Variants in CD109 observed in about 807,000 individuals in gnomAD.
CD109 encodes the protein CD109 molecule.
A neutral mutation model predicts 165.8 loss-of-function variants in CD109; 149 were observed. The ratio of observed to expected loss-of-function variants is 0.90; its 90% confidence interval spans 0.79 to 1.03. The LOEUF (loss-of-function observed/expected upper bound fraction) is 1.03, where lower values mean the gene tolerates loss of function less well. CD109 is among the 50% of genes least tolerant of loss of function. CD109 has a pLI of 0.00. For synonymous variants in CD109, 585 were observed against 592.1 expected, an observed-to-expected ratio of 0.99 and a Z score of 0.18; for missense variants, 1,712 against 1,677.8, an observed-to-expected ratio of 1.02 and a Z score of -0.36.
At chr6:73,795,701 A>G (rs7751758) in intron 23 of CD109, among the ~76,000 whole-genome samples, 82,110 of 151,966 alleles carry the variant, frequency 0.54, 22,672 homozygotes, top group African/African-American at 0.65. Context: ...TCCCCTTGGG[A>G]GGAAGTAGAT....
intron 22 of CD109, among the ~76,000 whole-genome samples, chr6:73,790,124 T>G (rs1290672375): frequency 6.7e-6 from 1 of 148,594 alleles, no homozygotes; most frequent in Non-Finnish European, 1.5e-5. Flanking sequence ...AGATGGAGTC[T>G]TTCTCTGTAG....
chr6:73,747,110 C>T (rs1422359814), intron 5 of CD109, among the ~76,000 whole-genome samples: 3 of 152,166 alleles, frequency 2.0e-5, no homozygotes, highest in Non-Finnish European at 4.4e-5. Context: ...ACCAATATCC[C>T]GATTTCTGCC....
In CD109 at chr6:73,818,462, A is replaced by T. The variant is rs763228648; in HGVS notation, c.3986A>T (p.Glu1329Val). ...TTAAGTGGCTTTATGGTGCCTTCAGAAGCAATTTCTCTGAGCGAGACAGTG... is the reference window on the plus strand; with the variant it reads ...TTAAGTGGCTTTATGGTGCCTTCAGTAGCAATTTCTCTGAGCGAGACAGTG... ...NLLSGFMVPS[E>V]AISLSETVKK... Residue 1329 changes from glutamate (E) to valine (V), a missense_variant, in exon 31 of 33, where the codon GAA (glutamate) becomes GTA (valine). Glu to Val is a moderately radical substitution (Grantham distance 121). Transcript: ENST00000287097. 48 of 1,613,690 alleles carry T rather than the reference A, an allele frequency of 3.0e-5. No individual in the cohort carries two copies. Among genetic ancestry groups the T allele is most frequent in the Non-Finnish European group, 3.6e-5 (42 of 1,179,936 alleles).
rs768994086 is a variant in CD109, at chr6:73,765,925, A to G, written c.1108-5A>G. ...GTTTTTAAGATGTTTTGTTTTGACCATTAGGTGAAGGTAACTCGTGCTGAT... is the reference window on the plus strand; with the variant it reads ...GTTTTTAAGATGTTTTGTTTTGACCGTTAGGTGAAGGTAACTCGTGCTGAT... On this transcript the variant is annotated splice_polypyrimidine_tract_variant and splice_region_variant and intron_variant, in intron 10 of 32. Coordinates refer to ENST00000287097, the MANE Select transcript of CD109 (RefSeq NM_133493.5). The G allele has an allele frequency of 1.4e-5, 22 of 1,600,574 alleles. No individual in the cohort carries two copies. The highest frequency in any genetic ancestry group is 1.9e-5 in the Non-Finnish European group (22 of 1,168,816).
In CD109 at chr6:73,792,597, T is replaced by C. The variant is rs771646392; in HGVS notation, c.2702-29T>C. 2.5e-6 allele frequency: 4 copies of C among 1,607,920 alleles called. No homozygotes were observed. In the East Asian group the frequency reaches 8.9e-5, roughly 36 times the overall value. On this transcript the variant is annotated intron_variant, in intron 22 of 32. Transcript: ENST00000287097. The stretch of plus-strand genomic sequence containing the variant: ...CAGGTCGTTGTTACTGAGTATTTAC[T>C]GAATGAACTGCATGTCTTGTGCTTC...
intron 7 of CD109, among the ~76,000 whole-genome samples, chr6:73,760,255 A>G (rs1773564749): frequency 1.3e-5 from 2 of 151,658 alleles, no homozygotes; most frequent in South Asian, 2.1e-4. Context: ...AAAATACAAA[A>G]AATTAGCCGG....
chr6:73,823,427 C>A, intron 32 of CD109, 31 bp from the exon 33 acceptor site: 1 of 1,550,490 alleles, frequency 6.4e-7, no homozygotes, highest in African/African-American at 1.4e-5. Context: ...ACAAGGGAGC[C>A]GTGTGAACTG....
chr6:73,790,220 A>G (rs1774872400), intron 22 of CD109, among the ~76,000 whole-genome samples: 1 of 148,378 alleles, frequency 6.7e-6, no homozygotes, highest in African/African-American at 2.5e-5. Context: ...TTGGCCTCCT[A>G]TGAAGATGGG....
intron 7 of CD109, among the ~76,000 whole-genome samples, chr6:73,760,530 A>G (rs966375922): frequency 5.9e-5 from 9 of 151,776 alleles, no homozygotes; most frequent in African/African-American, 2.2e-4. Context: ...AAAGAAAAGT[A>G]GCAGAGAATA....
chr6:73,734,546 T>C (rs1772477856), intron 4 of CD109, among the ~76,000 whole-genome samples: 1 of 152,254 alleles, frequency 6.6e-6, no homozygotes, highest in Admixed American at 6.5e-5. Context: ...TGCGTCATGC[T>C]GTGGCAGGCA....
At chr6:73,810,291 A>T in intron 27 of CD109, 117 bp downstream of exon 27, 1 of 309,566 alleles carries the variant, frequency 3.2e-6, no homozygotes, top group Non-Finnish European at 5.1e-6. Context: ...TTATATATAA[A>T]AAATATTTTT....
At position 73,815,065 on chromosome 6, in the gene CD109, G is replaced by A. The variant is rs903449527; in HGVS notation, c.3853G>A (p.Val1285Ile). The change falls in exon 30 of 33, where the codon GTT (valine) becomes ATT (isoleucine). Residue 1285 changes from valine (V) to isoleucine (I), a missense_variant. Coordinates refer to ENST00000287097, the MANE Select transcript of CD109 (RefSeq NM_133493.5). Reference protein sequence around the residue: ...IQNQEAFDLDVAVKENKDDLN... With the variant: ...IQNQEAFDLDIAVKENKDDLN... ...AAATCAAGAAGCCTTTGATTTAGAT[G>A]TTGCTGTAAAAGAAAATAAAGATGA... The A allele has an allele frequency of 1.3e-6, 2 of 1,590,010 alleles. No homozygotes were observed. Among genetic ancestry groups the A allele is most frequent in the East Asian group, 4.6e-5 (2 of 43,206 alleles).
intron 9 of CD109, 96 bp from the exon 10 acceptor site, chr6:73,763,480 C>A: frequency 4.7e-6 from 3 of 634,868 alleles, no homozygotes; most frequent in Non-Finnish European, 8.3e-6. Flanking sequence ...ATATTTTTAA[C>A]CCTTTTTGCA....
the CD109 span, among the ~76,000 whole-genome samples, chr6:73,690,151 T>A: frequency 6.6e-6 from 1 of 152,214 alleles, no homozygotes; most frequent in Non-Finnish European, 1.5e-5. Flanking sequence ...ATCTATTCGA[T>A]TAAGATCCCT....
chr6:73,792,882 C>A, intron 23 of CD109, 80 bp downstream of exon 23: 1 of 1,058,082 alleles, frequency 9.5e-7, no homozygotes, highest in Non-Finnish European at 1.3e-6. Context: ...GACCATATTT[C>A]AAAATAGATG....
rs371111480 is a variant in CD109 at position 73,802,919 on chromosome 6, C to T, written c.2879-301C>T. The stretch of plus-strand genomic sequence containing the variant: ...TTCACCATGTTGGTCAAGCTGGTCT[C>T]GAAGTCCTGACTTCAGGCAATCCAC... On this transcript the variant is annotated intron_variant, in intron 23 of 32. Coordinates refer to ENST00000287097, the MANE Select transcript of CD109 (RefSeq NM_133493.5). Among the ~76,000 whole-genome samples the T allele has an allele frequency of 7.5e-4, 114 of 152,136 alleles. 1 individual carries two copies. The highest frequency in any genetic ancestry group is 2.6e-3 in the African/African-American group (107 of 41,512).
intron 11 of CD109, among the ~76,000 whole-genome samples, chr6:73,766,509 A>ATATATG (rs1245907063): frequency 3.7e-5 from 5 of 134,388 alleles, no homozygotes; most frequent in African/African-American, 1.5e-4. Context: ...ATACACACAT[A>ATATATG]TATATGTATA....
rs1776287668 is a variant in CD109 at position 73,826,717 on chromosome 6, AT to A, written c.*3085del. On this transcript the variant is annotated 3_prime_UTR_variant, in exon 33 of 33. Coordinates refer to ENST00000287097, the MANE Select transcript of CD109 (RefSeq NM_133493.5). ...TTATAATCTGAGGAGTGTTTTGCTT[AT>A]GTAGAATCCAGATATATTTCTGTTA... 1 of 152,158 alleles carries A rather than the reference AT, an allele frequency of 6.6e-6. No individual in the cohort carries two copies. The highest frequency in any genetic ancestry group is 1.5e-5 in the Non-Finnish European group (1 of 68,024). The allele number at this position is 152,158 out of a possible 1,614,324, so 9.4% of individuals were successfully genotyped here.
intron 2 of CD109, among the ~76,000 whole-genome samples, chr6:73,718,931 G>C (rs1438133936): frequency 6.6e-6 from 1 of 151,996 alleles, no homozygotes; most frequent in Non-Finnish European, 1.5e-5. Flanking sequence ...GACCAGTTCT[G>C]TCCAATACAA....
Sources: allele counts gnomAD v4.1 joint callset (sites outside exome capture counted in the v4.1 genomes callset), GRCh38; gene constraint gnomAD v4.1.1; transcripts MANE v1.5; gene names NCBI Gene and HGNC (gene_info 2026-07-23, HGNC 2026-07-21).